FAM193A: variants seen among roughly 807,000 people sequenced by gnomAD.
FAM193A encodes the protein protein FAM193A.
FAM193A carries 22 observed loss-of-function variants against 126.5 expected under a neutral mutation model. The observed-to-expected ratio is 0.17, with a 90% CI of 0.12 to 0.25. The LOEUF is 0.25. FAM193A is among the 10% of genes least tolerant of loss of function. The pLI is 1.00. For synonymous variants in FAM193A, 761 were observed against 646.8 expected, an observed-to-expected ratio of 1.18 and a Z score of -2.68; for missense variants, 1,675 against 1,672.8, an observed-to-expected ratio of 1.00 and a Z score of -0.02.
At chr4:2,583,800 G>C (rs1353213349) in intron 1 of FAM193A, among the ~76,000 whole-genome samples, 1 of 152,200 alleles carries the variant, frequency 6.6e-6, no homozygotes, top group Non-Finnish European at 1.5e-5. Context: ...TTATGGGCCA[G>C]TGTTTGTTCT....
intron 1 of FAM193A, among the ~76,000 whole-genome samples, chr4:2,590,505 AC>A (rs200704480): frequency 0.079 from 4,833 of 61,066 alleles, 1,000 homozygotes; most frequent in African/African-American, 0.24. Flanking sequence ...ACAAAAAAAA[AC>A]AAAAAAAAAA....
intron 1 of FAM193A, among the ~76,000 whole-genome samples, chr4:2,561,212 G>A (rs1056691047): frequency 6.6e-6 from 1 of 152,126 alleles, no homozygotes; most frequent in Non-Finnish European, 1.5e-5. Context: ...ACAGGATCTC[G>A]CTCTGTTGCC....
chr4:2,591,255 G>C (rs556522668), intron 1 of FAM193A, among the ~76,000 whole-genome samples: 45 of 152,240 alleles, frequency 3.0e-4, no homozygotes, highest in African/African-American at 1.1e-3. Context: ...CACATAGTTG[G>C]TTGGGGCGGG....
intron 12 of FAM193A, among the ~76,000 whole-genome samples, chr4:2,664,895 C>T (rs1289278428): frequency 6.6e-6 from 1 of 152,094 alleles, no homozygotes; most frequent in African/African-American, 2.4e-5. Flanking sequence ...TTATGCTGCT[C>T]AAAGTTCTTT....
intron 7 of FAM193A, among the ~76,000 whole-genome samples, chr4:2,650,856 G>T (rs572877148): frequency 6.6e-6 from 1 of 152,308 alleles, no homozygotes; most frequent in East Asian, 1.9e-4. Flanking sequence ...CACTCTAATG[G>T]CAGCAACGGT....
chr4:2,641,591 T>C (rs1222133618), intron 6 of FAM193A, among the ~76,000 whole-genome samples: 3 of 148,674 alleles, frequency 2.0e-5, no homozygotes, highest in African/African-American at 5.0e-5. Flanking sequence ...GGAGGCGGAG[T>C]TTGCAGTGAG....
Position 2,642,925 on chromosome 4 carries a change from C to T in FAM193A, c.1163+3066C>T, listed in dbSNP as rs547481373. The stretch of plus-strand genomic sequence containing the variant: ...TTTTTTTTTGTATTTTTAGTAGAGA[C>T]GGGGTTTCACCGTGAAAACTCCCAT... On this transcript the variant is annotated intron_variant, in intron 6 of 20. Coordinates refer to ENST00000637812, the MANE Select transcript of FAM193A (RefSeq NM_001366318.2). 1.3e-4 allele frequency among the ~76,000 whole-genome samples: 19 copies of T among 151,962 alleles called. 1 individual carries two copies. The South Asian group carries it at 1.9e-3, about 15-fold the overall frequency.
chr4:2,701,938 G>A (rs1312904752), intron 19 of FAM193A, among the ~76,000 whole-genome samples: 1 of 151,920 alleles, frequency 6.6e-6, no homozygotes, highest in South Asian at 2.1e-4. Flanking sequence ...CACCACACCC[G>A]GCTAATTTTG....
In FAM193A at chr4:2,657,839, G is replaced by A; in HGVS notation, c.1348G>A (p.Asp450Asn). 1 of 1,612,920 alleles carries A rather than the reference G, an allele frequency of 6.2e-7. No individual in the cohort carries two copies. The highest frequency in any genetic ancestry group is 2.2e-5 in the East Asian group (1 of 44,836). Reference protein sequence around the residue: ...MKTKQRMLTEDWELFKQRRFI... With the variant: ...MKTKQRMLTENWELFKQRRFI... ...AACCAAGCAGCGCATGTTAACAGAA[G>A]ACTGGGAGCTTTTTAAACAAAGAAG... The change falls in exon 8 of 21, where the codon GAC becomes AAC. Residue 450 changes from aspartate to asparagine, a missense_variant. By Grantham distance (23) the Asp-to-Asn change is conservative. Around this residue, in one of 4 missense-constraint regions of FAM193A, gnomAD observed 1,186 missense variants for 1,109.2 expected, o/e 1.07. Coordinates refer to ENST00000637812, the MANE Select transcript of FAM193A (RefSeq NM_001366318.2).
Position 2,707,713 on chromosome 4 carries a change from A to T in FAM193A, c.4372+7169A>T, listed in dbSNP as rs1490726755. ...ACTCAGATTTCAGATTATATTTCTTATTTTTTTTTTTTTTTTTGAGGCAGA... is the reference window on the plus strand; with the variant it reads ...ACTCAGATTTCAGATTATATTTCTTTTTTTTTTTTTTTTTTTTGAGGCAGA... On this transcript the variant is annotated intron_variant, in intron 19 of 20. Coordinates refer to ENST00000637812, the MANE Select transcript of FAM193A (RefSeq NM_001366318.2). Among the ~76,000 whole-genome samples, 92 of 130,804 alleles carry T rather than the reference A, an allele frequency of 7.0e-4. 1 individual carries two copies. The highest frequency in any genetic ancestry group is 3.9e-3 in the Middle Eastern group (1 of 258). The allele number at this position is 130,804 out of a possible 152,430, so 85.8% of individuals were successfully genotyped here.
chr4:2,580,144 A>G (rs1430946622), intron 1 of FAM193A, among the ~76,000 whole-genome samples: 1 of 152,322 alleles, frequency 6.6e-6, no homozygotes, highest in East Asian at 1.9e-4. Context: ...GGATGGAGCT[A>G]GAGGCCATTA....
chr4:2,654,150 T>C (rs1745937019), intron 7 of FAM193A, among the ~76,000 whole-genome samples: 1 of 152,214 alleles, frequency 6.6e-6, no homozygotes, highest in Non-Finnish European at 1.5e-5. Flanking sequence ...CTTTAAAATG[T>C]TGAATACGTG....
At chr4:2,568,206 G>A (rs1739083019) in intron 1 of FAM193A, among the ~76,000 whole-genome samples, 1 of 152,138 alleles carries the variant, frequency 6.6e-6, no homozygotes, top group Admixed American at 6.5e-5. Flanking sequence ...TATGATGTTA[G>A]CTGTGGGCTT....
chr4:2,595,775 G>A (rs1310132411), intron 1 of FAM193A, among the ~76,000 whole-genome samples: 1 of 152,182 alleles, frequency 6.6e-6, no homozygotes, highest in Non-Finnish European at 1.5e-5. Context: ...ACCAGTTCTG[G>A]TAAACAGTCT....
chr4:2,731,715 A>T lies in FAM193A; in HGVS notation c.4455-60A>T, dbSNP rs191096061. 41 of 1,345,150 alleles carry T rather than the reference A, an allele frequency of 3.0e-5. No homozygotes were observed. The African/African-American group carries it at 5.7e-4, about 19-fold the overall frequency. The allele number at this position is 1,345,150 out of a possible 1,614,324, so 83.3% of individuals were successfully genotyped here. A position where few individuals can be genotyped will look rare whatever the true frequency, so the allele number is the denominator to read the frequency against. ...AACAGGAGTGTGATGGGCTTTGCCA[A>T]GCACCAGCTTGGTTGTGGGCTGTTT... On this transcript the variant is annotated intron_variant, in intron 20 of 20. Coordinates refer to ENST00000637812, the MANE Select transcript of FAM193A (RefSeq NM_001366318.2).
chr4:2,585,059 G>T (rs1018532134), intron 1 of FAM193A, among the ~76,000 whole-genome samples: 15 of 152,166 alleles, frequency 9.9e-5, no homozygotes, highest in Non-Finnish European at 2.1e-4. Flanking sequence ...ATATTTGAAA[G>T]ATTTATTTGT....
intron 1 of FAM193A, among the ~76,000 whole-genome samples, chr4:2,566,930 G>T (rs1330865076): frequency 6.7e-6 from 1 of 150,334 alleles, no homozygotes; most frequent in Non-Finnish European, 1.5e-5. Flanking sequence ...TTGACTAGCT[G>T]AATTTCTTTT....
intron 20 of FAM193A, among the ~76,000 whole-genome samples, chr4:2,727,384 A>G (rs910843738): frequency 3.9e-5 from 6 of 151,924 alleles, no homozygotes; most frequent in Non-Finnish European, 8.8e-5. Context: ...AAGGATGTAA[A>G]TCTTACTTAC....
chr4:2,580,936 T>C (rs1443766402), intron 1 of FAM193A, among the ~76,000 whole-genome samples: 1 of 152,180 alleles, frequency 6.6e-6, no homozygotes, highest in African/African-American at 2.4e-5. Flanking sequence ...TAGACCATCC[T>C]GGCTAACACG....
Sources: gnomAD v4.1 joint callset for allele counts (sites outside exome capture counted in the v4.1 genomes callset) on GRCh38, gnomAD v4.1.1 for gene constraint, gnomAD v4.1.1 regional missense constraint, MANE v1.5 for transcripts, NCBI Gene and HGNC (gene_info 2026-07-23, HGNC 2026-07-21) for gene names.